The following LRRTM4 variants were observed in gnomAD, a reference collection of about 807,000 sequenced individuals.
The protein encoded by LRRTM4 is leucine-rich repeat transmembrane neuronal protein 4.
Under a neutral mutation model 47.6 loss-of-function variants are expected in LRRTM4, and 25 were observed. The ratio of observed to expected loss-of-function variants is 0.53; its 90% CI spans 0.38 to 0.73. LRRTM4 has a LOEUF of 0.73. Ranked by LOEUF, LRRTM4 falls within the 30% of genes least tolerant of loss-of-function variation. The pLI, the probability that LRRTM4 is intolerant of heterozygous loss-of-function variation, is 0.00. For missense variants in LRRTM4, 638 were observed against 713.4 expected (o/e 0.89, Z 1.20); for synonymous variants, 311 against 269.5 (o/e 1.15, Z -1.51).
chr2:77,053,144 C>A (rs184533500), intron 3 of LRRTM4, among the ~76,000 whole-genome samples: 17 of 152,192 alleles, frequency 1.1e-4, no homozygotes, highest in Admixed American at 2.6e-4. Flanking sequence ...AGACAAAATG[C>A]AAATGTATCA....
intron 3 of LRRTM4, among the ~76,000 whole-genome samples, chr2:76,954,016 G>C (rs979145385): frequency 6.6e-6 from 1 of 151,832 alleles, no homozygotes; most frequent in Non-Finnish European, 1.5e-5. Flanking sequence ...CACAAGCCTG[G>C]AGAAAAGACC....
At chr2:76,909,427 G>C (rs1246121769) in intron 3 of LRRTM4, among the ~76,000 whole-genome samples, 2 of 152,042 alleles carry the variant, frequency 1.3e-5, no homozygotes, top group African/African-American at 4.8e-5. Context: ...TCAGGACATA[G>C]GCATGGGCAA....
intron 3 of LRRTM4, among the ~76,000 whole-genome samples, chr2:77,306,323 C>G (rs1445232306): frequency 6.6e-6 from 1 of 152,168 alleles, no homozygotes; most frequent in East Asian, 1.9e-4. Context: ...CACAACCTCA[C>G]AGGTTGCAGG....
intron 3 of LRRTM4, among the ~76,000 whole-genome samples, chr2:77,334,798 T>C (rs1228729197): frequency 6.6e-6 from 1 of 152,232 alleles, no homozygotes; most frequent in Non-Finnish European, 1.5e-5. Flanking sequence ...GAACTATGTT[T>C]TAGTCAAAGA....
intron 3 of LRRTM4, among the ~76,000 whole-genome samples, chr2:76,767,358 G>A (rs1673497348): frequency 6.6e-6 from 1 of 152,108 alleles, no homozygotes. Flanking sequence ...CTTTATGAGT[G>A]CTTTATGTGA....
At chr2:76,752,060 G>A (rs181761030) in intron 3 of LRRTM4, among the ~76,000 whole-genome samples, 6 of 152,204 alleles carry the variant, frequency 3.9e-5, no homozygotes, top group Admixed American at 3.9e-4. Flanking sequence ...TTAAACATGG[G>A]TTGTGGTTTT....
rs774697360 is a variant in LRRTM4 at position 77,306,897 on chromosome 2, A to ATTTTTTTTTTT, written c.1551+211410_1551+211420dup. Among the ~76,000 whole-genome samples the ATTTTTTTTTTT allele has an allele frequency of 7.2e-4, 81 of 112,416 alleles. 8 individuals are homozygous for ATTTTTTTTTTT. The highest frequency in any genetic ancestry group is 2.6e-3 in the African/African-American group (60 of 23,136). The allele number at this position is 112,416 out of a possible 152,430, so 73.7% of individuals were successfully genotyped here. On this transcript the variant is annotated intron_variant, in intron 3 of 3. Coordinates refer to ENST00000409884, the MANE Select transcript of LRRTM4 (RefSeq NM_001134745.3). ...AAATAGCTATATACTGCTTTTCCAT[A>ATTTTTTTTTTT]TTTTTTTTTTTTTTTTTTTTGAGAT... is the stretch of plus-strand genomic sequence containing the variant.
intron 3 of LRRTM4, among the ~76,000 whole-genome samples, chr2:77,342,246 G>GT (rs1197377080): frequency 6.6e-6 from 1 of 151,922 alleles, no homozygotes; most frequent in African/African-American, 2.4e-5. Flanking sequence ...TACGTCAGTG[G>GT]TTTTCAACCA....
intron 3 of LRRTM4, among the ~76,000 whole-genome samples, chr2:77,060,190 T>C (rs1389218716): frequency 1.3e-5 from 2 of 152,224 alleles, no homozygotes; most frequent in East Asian, 1.9e-4. Flanking sequence ...GTAATCTTCC[T>C]ATGCCTTAAT....
chr2:77,519,966 G>A lies in LRRTM4; in HGVS notation c.5-102C>T, dbSNP rs1304111894. 15 of 1,439,452 alleles carry A rather than the reference G, an allele frequency of 1.0e-5. No individual in the cohort carries two copies. The highest frequency in any genetic ancestry group is 1.3e-5 in the Non-Finnish European group (14 of 1,097,344). The allele number at this position is 1,439,452 out of a possible 1,614,324, so 89.2% of individuals were successfully genotyped here. A position where few individuals can be genotyped will look rare whatever the true frequency, so the allele number is the denominator to read the frequency against. On this transcript the variant is annotated intron_variant, in intron 2 of 3. Coordinates refer to ENST00000409884, the MANE Select transcript of LRRTM4 (RefSeq NM_001134745.3). This position sits in a 1 kb window ranked among gnomAD's most constrained non-coding sequence, Gnocchi z 4.6. Reference sequence around the variant, plus strand: ...GGCATTTCCTCTAGTGTAGGAATGGGACAGTTGATTTAAGGAAAATGCATT... The same window carrying A: ...GGCATTTCCTCTAGTGTAGGAATGGAACAGTTGATTTAAGGAAAATGCATT...
intron 3 of LRRTM4, among the ~76,000 whole-genome samples, chr2:77,338,332 A>G (rs565172139): frequency 2.3e-3 from 343 of 152,150 alleles, no homozygotes; most frequent in Non-Finnish European, 3.9e-3. Flanking sequence ...AAATACATAA[A>G]CTATGCATCC....
chr2:76,945,653 G>A (rs1675298195), intron 3 of LRRTM4, among the ~76,000 whole-genome samples: 1 of 151,592 alleles, frequency 6.6e-6, no homozygotes, highest in African/African-American at 2.4e-5. Flanking sequence ...TAAAATTCAA[G>A]AACAAAAAGA....
intron 3 of LRRTM4, among the ~76,000 whole-genome samples, chr2:76,941,025 G>A (rs1207107488): frequency 2.0e-5 from 3 of 152,086 alleles, no homozygotes; most frequent in African/African-American, 4.8e-5. Flanking sequence ...GGTGATTATT[G>A]TTGTTTTTAA....
intron 3 of LRRTM4, among the ~76,000 whole-genome samples, chr2:77,254,560 C>T (rs1248115970): frequency 1.3e-5 from 2 of 151,652 alleles, no homozygotes; most frequent in Non-Finnish European, 3.0e-5. Context: ...ATTGAGTTTT[C>T]TATATTATTT....
At position 77,288,690 on chromosome 2, in the gene LRRTM4, G is replaced by A. The variant is rs150789256; in HGVS notation, c.1551+229628C>T. ...GTCTGTCTTCAAATTTTTACAGGCA[G>A]AATCTAATCTTTAGAAGAAACTTGA... On this transcript the variant is annotated intron_variant, in intron 3 of 3. Coordinates refer to ENST00000409884, the MANE Select transcript of LRRTM4 (RefSeq NM_001134745.3). Among the ~76,000 whole-genome samples the A allele has an allele frequency of 1.2e-3, 186 of 152,126 alleles. 1 individual carries two copies. The highest frequency in any genetic ancestry group is 4.1e-3 in the African/African-American group (172 of 41,542).
At chr2:76,796,958 G>A (rs1434653220) in intron 3 of LRRTM4, among the ~76,000 whole-genome samples, 1 of 152,060 alleles carries the variant, frequency 6.6e-6, no homozygotes, top group Non-Finnish European at 1.5e-5. Flanking sequence ...AGAAATATGG[G>A]ACTATGTGAA....
At chr2:77,360,586 A>G (rs143869487) in intron 3 of LRRTM4, among the ~76,000 whole-genome samples, 3 of 151,642 alleles carry the variant, frequency 2.0e-5, no homozygotes, top group Non-Finnish European at 4.4e-5. Flanking sequence ...ACATACATAC[A>G]TACATACATA....
intron 3 of LRRTM4, among the ~76,000 whole-genome samples, chr2:77,369,924 T>C (rs1450245994): frequency 1.3e-5 from 2 of 151,818 alleles, no homozygotes; most frequent in African/African-American, 2.4e-5. Flanking sequence ...GGTACCACCA[T>C]TGTATATGCA....
intron 3 of LRRTM4, among the ~76,000 whole-genome samples, chr2:76,946,336 T>C (rs116554879): frequency 0.018 from 2,704 of 152,048 alleles, 69 homozygotes; most frequent in African/African-American, 0.057. Flanking sequence ...GTCAGAAGCC[T>C]GGTATTCTGC....
Sources: gnomAD v4.1 joint callset for allele counts (sites outside exome capture counted in the v4.1 genomes callset) on GRCh38, gnomAD v4.1.1 for gene constraint, Gnocchi (gnomAD v3.1) non-coding constraint, MANE v1.5 for transcripts, NCBI Gene and HGNC (gene_info 2026-07-23, HGNC 2026-07-21) for gene names.